Variants in CLPTM1L observed in about 807,000 individuals in gnomAD.
CLPTM1L encodes CLPTM1 like.
In CLPTM1L, 38 loss-of-function variants were observed where a neutral mutation model predicts 70.9. The ratio of observed to expected loss-of-function variants is 0.54; its 90% CI spans 0.41 to 0.70. The LOEUF (loss-of-function observed/expected upper bound fraction) is 0.70, where lower values mean the gene tolerates loss of function less well. Ranked by LOEUF, CLPTM1L falls within the 30% of genes least tolerant of loss-of-function variation. The pLI is 0.00. For missense variants in CLPTM1L, 652 were observed against 705.9 expected (o/e 0.92, Z 0.87); for synonymous variants, 339 against 299.9 (o/e 1.13, Z -1.35).
chr5:1,341,678 T>G lies in CLPTM1L; in HGVS notation c.446A>C (p.Asp149Ala), dbSNP rs187067804. Reference sequence around the variant, plus strand: ...ACCCATGAAGACCCTCACCTGTGTATCAGACTCCCCGGTGAGCAGGTTGAT... The same window carrying G: ...ACCCATGAAGACCCTCACCTGTGTAGCAGACTCCCCGGTGAGCAGGTTGAT... ...EEINLLTGES[D>A]TQQIEAEKKP... is the part of the protein sequence containing the mutation. The change falls in exon 3 of 17, where the codon GAT becomes GCT. Residue 149 changes from aspartate to alanine, a missense_variant. Around this residue, in one of 3 missense-constraint regions of CLPTM1L, gnomAD observed 402 missense variants for 388.2 expected, o/e 1.04. Coordinates refer to ENST00000320895, the MANE Select transcript of CLPTM1L (RefSeq NM_030782.5). The G allele has an allele frequency of 1.9e-5, 30 of 1,606,870 alleles. No homozygotes were observed. In the African/African-American group the frequency reaches 3.1e-4, roughly 16 times the overall value.
At position 1,331,579 on chromosome 5, in the gene CLPTM1L, GCTGGAGGCCCTGAGCCGTGCAGCCT is replaced by G. The variant is rs869075576; in HGVS notation, c.976+195_976+219del. 4.5e-4 allele frequency: 182 copies of G among 402,242 alleles called. No individual in the cohort carries two copies. The East Asian group carries it at 0.016, about 34-fold the overall frequency. The allele number at this position is 402,242 out of a possible 1,614,324, so 24.9% of individuals were successfully genotyped here. A position where few individuals can be genotyped will look rare whatever the true frequency, so the allele number is the denominator to read the frequency against. ...CAGCCAGGCCCTGAGCTGTGCAGCC[GCTGGAGGCCCTGAGCCGTGCAGCCT>G]CTGATGGTCCCACCACAATTGCCGC... On this transcript the variant is annotated intron_variant, in intron 8 of 16. Coordinates refer to ENST00000320895, the MANE Select transcript of CLPTM1L (RefSeq NM_030782.5).
chr5:1,337,344 G>A (rs900330041), intron 5 of CLPTM1L, among the ~76,000 whole-genome samples: 1 of 152,232 alleles, frequency 6.6e-6, no homozygotes, highest in Non-Finnish European at 1.5e-5. Context: ...AACTATGGGA[G>A]AGCAGGCGCT....
intron 1 of CLPTM1L, 37 bp downstream of exon 1, chr5:1,344,643 C>T: frequency 1.9e-6 from 3 of 1,541,438 alleles, no homozygotes; most frequent in African/African-American, 1.4e-5. Context: ...AGGCCCCCAC[C>T]CCAACCCGCC....
intron 16 of CLPTM1L, 143 bp downstream of exon 16, chr5:1,320,473 G>C (rs1415975082): frequency 4.0e-6 from 2 of 501,298 alleles, no homozygotes; most frequent in African/African-American, 4.0e-5. Flanking sequence ...GTTTAGGCAA[G>C]ACAGGAAAAA....
In CLPTM1L at chr5:1,317,795, C is replaced by T. The variant is rs1048706775; in HGVS notation, c.*574G>A. 1 of 152,308 alleles carries T rather than the reference C, an allele frequency of 6.6e-6. No homozygotes were observed. Among genetic ancestry groups the T allele is most frequent in the Non-Finnish European group, 1.5e-5 (1 of 68,116 alleles). 9.4% of individuals were successfully genotyped at this position (152,308 alleles called of 1,614,324 possible). A position where few individuals can be genotyped will look rare whatever the true frequency, so the allele number is the denominator to read the frequency against. On this transcript the variant is annotated 3_prime_UTR_variant, in exon 17 of 17. Transcript: ENST00000320895. ...TTTTAATGCATAAATAAATCCATAT[C>T]ATGTATTACTTTCTGGAAAAGGGTT...
Position 1,339,189 on chromosome 5 carries a change from C to G in CLPTM1L, c.454-184G>C, listed in dbSNP as rs563016920. Among the ~76,000 whole-genome samples, 8 of 148,464 alleles carry G rather than the reference C, an allele frequency of 5.4e-5. No individual in the cohort carries two copies. In the South Asian group the frequency reaches 1.7e-3, roughly 32 times the overall value. On this transcript the variant is annotated intron_variant, in intron 3 of 16. Transcript: ENST00000320895. The stretch of plus-strand genomic sequence containing the variant: ...ACAGACGGGCAAACTGTGCCCGGGA[C>G]AGCAGGGTCAGCACCCTAACCTGTG...
Position 1,325,795 on chromosome 5 carries a change from A to C in CLPTM1L, c.1102T>G (p.Leu368Val). 6.2e-7 allele frequency: 1 copy of C among 1,614,026 alleles called. No individual in the cohort carries two copies. The highest frequency in any genetic ancestry group is 1.7e-5 in the Admixed American group (1 of 60,020). Residue 368 changes from leucine (L) to valine (V), a missense_variant, in exon 10 of 17, where the codon TTG becomes GTG. By Grantham distance (32) the Leu-to-Val change is conservative. Coordinates refer to ENST00000320895, the MANE Select transcript of CLPTM1L (RefSeq NM_030782.5). ...AIELWKVKKA[L>V]KMTIFWRGLM... is the part of the protein sequence containing the mutation. ...CCTCTCCAAAAAATAGTCATCTTCA[A>C]TGCCTTCTTCACTTTCCACAGCTGA...
chr5:1,323,127 G>C (rs1457435305), intron 12 of CLPTM1L, among the ~76,000 whole-genome samples: 1 of 152,036 alleles, frequency 6.6e-6, no homozygotes, highest in African/African-American at 2.4e-5. Context: ...GGCACTCCAG[G>C]AACCCCTCAG....
In CLPTM1L at chr5:1,331,751, G is replaced by C. The variant is rs778851318; in HGVS notation, c.976+48C>G. 135 of 1,543,716 alleles carry C rather than the reference G, an allele frequency of 8.7e-5. No individual in the cohort carries two copies. Among genetic ancestry groups the C allele is most frequent in the Middle Eastern group, 1.7e-4 (1 of 5,934 alleles). ...AGCCCTCTACCGCAGGCTCCAGTGA[G>C]CTCCCTGGGGCAGAGTATCTGAGCA... On this transcript the variant is annotated intron_variant, in intron 8 of 16. Transcript: ENST00000320895.
rs1753395804 is a variant in CLPTM1L, at chr5:1,334,171, T to G, written c.891+118A>C. ...GCTGCTGAGTGATGGGAGTGGACAC[T>G]TGAGGGCCACAGGGCTGGACGGCGC... On this transcript the variant is annotated intron_variant, in intron 7 of 16. Transcript: ENST00000320895. 3 of 674,844 alleles carry G rather than the reference T, an allele frequency of 4.4e-6. No homozygotes were observed. In the East Asian group the frequency reaches 8.1e-5, roughly 18 times the overall value. The allele number at this position is 674,844 out of a possible 1,614,324, so 41.8% of individuals were successfully genotyped here. A position where few individuals can be genotyped will look rare whatever the true frequency, so the allele number is the denominator to read the frequency against.
intron 16 of CLPTM1L, among the ~76,000 whole-genome samples, chr5:1,319,796 G>T (rs1437313513): frequency 6.6e-6 from 1 of 152,202 alleles, no homozygotes; most frequent in Non-Finnish European, 1.5e-5. Context: ...AGGTCTTGGG[G>T]GTGACACACA....
In CLPTM1L at chr5:1,323,851, A is replaced by G. The variant is rs746408773; in HGVS notation, c.1216T>C (p.Tyr406His). 5.0e-6 allele frequency: 8 copies of G among 1,613,672 alleles called. No homozygotes were observed. Among genetic ancestry groups the G allele is most frequent in the East Asian group, 2.2e-5 (1 of 44,884 alleles). The change falls in exon 12 of 17, where the codon TAC becomes CAC. Residue 406 changes from tyrosine to histidine, a missense_variant. Tyr to His is a moderately conservative substitution (Grantham distance 83). Coordinates refer to ENST00000320895, the MANE Select transcript of CLPTM1L (RefSeq NM_030782.5). ...YDTQAMKYLS[Y>H]LLYPLCVGGA... ...CCGACACAGAGAGGGTACAGCAGGT[A>G]TGACAAGTACTTCATGGCCTGCAGG...
At chr5:1,322,015 A>G (rs1752187658) in intron 13 of CLPTM1L, among the ~76,000 whole-genome samples, 196 bp from the exon 14 acceptor site, 1 of 152,356 alleles carries the variant, frequency 6.6e-6, no homozygotes, top group Non-Finnish European at 1.5e-5. Context: ...GTTTATCAAG[A>G]GTCTACGACA....
At chr5:1,328,499 A>G (rs1263779768) in intron 9 of CLPTM1L, among the ~76,000 whole-genome samples, 3 of 144,362 alleles carry the variant, frequency 2.1e-5, no homozygotes, top group African/African-American at 5.3e-5. Flanking sequence ...CCTCCTCTAC[A>G]GACACATTTC....
At chr5:1,341,962 C>T in intron 2 of CLPTM1L, 102 bp from the exon 3 acceptor site, 3 of 921,236 alleles carry the variant, frequency 3.3e-6, no homozygotes, top group Non-Finnish European at 4.8e-6. Context: ...CTAATTTTAG[C>T]TCAGAAGTAC....
Position 1,318,907 on chromosome 5 carries a change from C to T in CLPTM1L, c.1533-454G>A, listed in dbSNP as rs1751988192. Reference sequence around the variant, plus strand: ...CCCGGAGGCCTTGCCAACATCACCCCTACGTATGGATGAGGAAGCTGTGGC... The same window carrying T: ...CCCGGAGGCCTTGCCAACATCACCCTTACGTATGGATGAGGAAGCTGTGGC... On this transcript the variant is annotated intron_variant, in intron 16 of 16. Coordinates refer to ENST00000320895, the MANE Select transcript of CLPTM1L (RefSeq NM_030782.5). This position sits in a 1 kb window ranked among gnomAD's most constrained non-coding sequence, Gnocchi z 8.9. Among the ~76,000 whole-genome samples the T allele has an allele frequency of 6.6e-6, 1 of 152,216 alleles. No homozygotes were observed.
At chr5:1,332,844 T>C (rs977288112) in intron 7 of CLPTM1L, among the ~76,000 whole-genome samples, 10 of 152,264 alleles carry the variant, frequency 6.6e-5, no homozygotes, top group African/African-American at 2.4e-4. Context: ...TTACGTTATT[T>C]GATACACATA....
chr5:1,327,607 T>C (rs372823651), intron 9 of CLPTM1L, among the ~76,000 whole-genome samples: 1,555 of 80,742 alleles, frequency 0.019, 1 homozygote, highest in Middle Eastern at 0.033. Flanking sequence ...CAGACACATT[T>C]CATCCAGCTC....
At chr5:1,319,364 G>GGC (rs1411510995) in intron 16 of CLPTM1L, among the ~76,000 whole-genome samples, 107 of 136,312 alleles carry the variant, frequency 7.8e-4, no homozygotes, top group Non-Finnish European at 1.4e-3. Flanking sequence ...AGGGTGGGGG[G>GGC]GGGCAGCCGG....
Sources: allele counts gnomAD v4.1 joint callset (sites outside exome capture counted in the v4.1 genomes callset), GRCh38; gene constraint gnomAD v4.1.1; regional missense constraint gnomAD v4.1.1; non-coding constraint Gnocchi (gnomAD v3.1); transcripts MANE v1.5; gene names NCBI Gene and HGNC (gene_info 2026-07-23, HGNC 2026-07-21).